Variants in PPIP5K2 observed in about 807,000 individuals in gnomAD.
PPIP5K2 encodes diphosphoinositol pentakisphosphate kinase 2, also known as inositol hexakisphosphate and diphosphoinositol-pentakisphosphate kinase 2.
Under a neutral mutation model 154.6 loss-of-function variants are expected in PPIP5K2, and 105 were observed. The observed-to-expected ratio is 0.68, with a 90% CI of 0.58 to 0.80. The LOEUF is 0.80. PPIP5K2 is among the 30% of genes least tolerant of loss of function. The probability of loss-of-function intolerance (pLI) is 0.00; values close to 1 mark genes in which losing one functional copy is unlikely to be tolerated. For synonymous variants in PPIP5K2, 480 were observed against 490.3 expected (o/e 0.98, Z 0.28); for missense variants, 992 against 1,504.6 (o/e 0.66, Z 5.64).
chr5:103,143,665 A>C (rs1289242212), intron 5 of PPIP5K2, among the ~76,000 whole-genome samples: 1 of 152,208 alleles, frequency 6.6e-6, no homozygotes, highest in African/African-American at 2.4e-5. Context: ...AAAAAATAAG[A>C]TCCAACTCTA....
intron 21 of PPIP5K2, 42 bp downstream of exon 21, chr5:103,174,014 TTTTG>T: frequency 2.9e-6 from 4 of 1,390,526 alleles, no homozygotes; most frequent in South Asian, 1.3e-5. Flanking sequence ...ATATATTTAA[TTTTG>T]TAATTAAATC....
At chr5:103,187,755 C>T (rs1800622737) in intron 28 of PPIP5K2, among the ~76,000 whole-genome samples, 1 of 152,050 alleles carries the variant, frequency 6.6e-6, no homozygotes, top group Non-Finnish European at 1.5e-5. Flanking sequence ...TTTCTGATCA[C>T]ATGGTTGTTT....
chr5:103,135,490 G>C (rs1791321576), intron 3 of PPIP5K2, among the ~76,000 whole-genome samples: 1 of 152,114 alleles, frequency 6.6e-6, no homozygotes, highest in South Asian at 2.1e-4. Flanking sequence ...GGAGTGCAGT[G>C]GTATAGTCAT....
intron 2 of PPIP5K2, among the ~76,000 whole-genome samples, chr5:103,133,217 ATATT>A (rs551482455): frequency 5.7e-4 from 87 of 152,326 alleles, no homozygotes; most frequent in African/African-American, 2.0e-3. Context: ...AATAGCAACC[ATATT>A]TATTCTGAAA....
In PPIP5K2 at chr5:103,204,659, G is replaced by T. The variant is rs1434284072; in HGVS notation, c.*3025G>T. On this transcript the variant is annotated 3_prime_UTR_variant, in exon 31 of 31. Transcript: ENST00000358359. ...TCAGAAGGAGTCATTTGTGATTGGA[G>T]TCCACATAGAAACAGGTTTCCCTCT... 17 of 152,120 alleles carry T rather than the reference G, an allele frequency of 1.1e-4. No individual in the cohort carries two copies. Among genetic ancestry groups the T allele is most frequent in the Admixed American group, 1.1e-3 (17 of 15,262 alleles). 9.4% of individuals were successfully genotyped at this position (152,120 alleles called of 1,614,324 possible).
At chr5:103,149,519 C>G (rs945055007) in intron 8 of PPIP5K2, among the ~76,000 whole-genome samples, 4 of 151,904 alleles carry the variant, frequency 2.6e-5, no homozygotes, top group Non-Finnish European at 5.9e-5. Context: ...TCAATTTATT[C>G]AGAAATTAAA....
chr5:103,144,431 A>G (rs531518875), intron 5 of PPIP5K2, among the ~76,000 whole-genome samples: 2 of 152,280 alleles, frequency 1.3e-5, no homozygotes, highest in African/African-American at 4.8e-5. Context: ...AAAAATACTA[A>G]AATTTATATG....
At chr5:103,157,972 A>C (rs782486001) in intron 14 of PPIP5K2, among the ~76,000 whole-genome samples, 3 of 152,200 alleles carry the variant, frequency 2.0e-5, no homozygotes, top group Non-Finnish European at 4.4e-5. Flanking sequence ...AAATTTCAGT[A>C]AGATTTAAAC....
At chr5:103,139,411 A>G (rs1339060964) in intron 5 of PPIP5K2, among the ~76,000 whole-genome samples, 1 of 152,334 alleles carries the variant, frequency 6.6e-6, no homozygotes, top group South Asian at 2.1e-4. Context: ...TAGTCCACCA[A>G]GGTGGTGCCT....
intron 26 of PPIP5K2, 93 bp from the exon 27 acceptor site, chr5:103,186,227 G>A: frequency 6.5e-7 from 1 of 1,526,840 alleles, no homozygotes. Context: ...TGCCTTATAT[G>A]TGGTAAGAGC....
intron 1 of PPIP5K2, among the ~76,000 whole-genome samples, chr5:103,126,376 A>G (rs917429294): frequency 6.6e-6 from 1 of 151,714 alleles, no homozygotes. Flanking sequence ...TACCCTTGGG[A>G]AAAAAAAATC....
chr5:103,187,168 CA>C (rs1182869675), intron 27 of PPIP5K2, 145 bp from the exon 28 acceptor site: 6 of 500,262 alleles, frequency 1.2e-5, no homozygotes, highest in Non-Finnish European at 1.7e-5. Context: ...TTCTTTTAAC[CA>C]ATATTTACCT....
chr5:103,178,057 A>C (rs1425155717), intron 23 of PPIP5K2, 77 bp downstream of exon 23: 2 of 898,016 alleles, frequency 2.2e-6, no homozygotes, highest in Non-Finnish European at 3.6e-6. Context: ...AGATTTTTAT[A>C]ATGTACTATA....
Position 103,212,493 on chromosome 5 carries a change from A to C in PPIP5K2, c.*10859A>C, listed in dbSNP as rs952814873. The C allele has an allele frequency of 6.6e-6, 1 of 152,152 alleles. No homozygotes were observed. Among genetic ancestry groups the C allele is most frequent in the African/African-American group, 2.4e-5 (1 of 41,444 alleles). The allele number at this position is 152,152 out of a possible 1,614,324, so 9.4% of individuals were successfully genotyped here. The stretch of plus-strand genomic sequence containing the variant: ...TTTTTAAAAGCAAAGTTAGGCATTC[A>C]ATGATGACTTCATAAATGTGCCTGG... On this transcript the variant is annotated 3_prime_UTR_variant, in exon 31 of 31. Coordinates refer to ENST00000358359, the MANE Select transcript of PPIP5K2 (RefSeq NM_001276277.3).
At position 103,173,452 on chromosome 5, in the gene PPIP5K2, C is replaced by T. The variant is rs147154663; in HGVS notation, c.2414+170C>T. ...GTTCCAACCAAAGTTATTTTTGGCT[C>T]CACTTTAGAGAAAACTAAGGTGAGT... is the stretch of plus-strand genomic sequence containing the variant. On this transcript the variant is annotated intron_variant, in intron 20 of 30. Transcript: ENST00000358359. Among the ~76,000 whole-genome samples, 482 of 151,994 alleles carry T rather than the reference C, an allele frequency of 3.2e-3. 5 individuals are homozygous for T. The highest frequency in any genetic ancestry group is 0.011 in the African/African-American group (452 of 41,502).
intron 24 of PPIP5K2, 83 bp from the exon 25 acceptor site, chr5:103,183,151 G>T (rs1388426005): frequency 9.5e-7 from 1 of 1,055,618 alleles, no homozygotes; most frequent in South Asian, 3.3e-5. Context: ...ATTTGGCTCT[G>T]TTGTATCTAA....
At chr5:103,156,163 A>C (rs1795380935) in intron 14 of PPIP5K2, among the ~76,000 whole-genome samples, 169 bp downstream of exon 14, 1 of 152,216 alleles carries the variant, frequency 6.6e-6, no homozygotes, top group Non-Finnish European at 1.5e-5. Flanking sequence ...TAAAGGATAC[A>C]ATTTTAAAAT....
rs575928878 is a variant in PPIP5K2 at position 103,159,055 on chromosome 5, AACTTAT to A, written c.1738-86_1738-81del. 8.3e-4 allele frequency: 739 copies of A among 893,986 alleles called. 7 individuals carry two copies. The African/African-American group carries it at 0.011, about 14-fold the overall frequency. The allele number at this position is 893,986 out of a possible 1,614,324, so 55.4% of individuals were successfully genotyped here. A position where few individuals can be genotyped will look rare whatever the true frequency, so the allele number is the denominator to read the frequency against. On this transcript the variant is annotated intron_variant, in intron 16 of 30. Coordinates refer to ENST00000358359, the MANE Select transcript of PPIP5K2 (RefSeq NM_001276277.3). ...AATAAAGTTTATTTATGATAAACTTAACTTATACTTTATGAAAATCAGTATGTAACA... is the reference window on the plus strand; with the variant it reads ...AATAAAGTTTATTTATGATAAACTTAACTTTATGAAAATCAGTATGTAACA...
At chr5:103,164,486 G>A (rs1554217109) in intron 17 of PPIP5K2, among the ~76,000 whole-genome samples, 1 of 151,944 alleles carries the variant, frequency 6.6e-6, no homozygotes, top group East Asian at 1.9e-4. Flanking sequence ...TTTACAAAAT[G>A]TGCACCCTAG....
Sources: allele counts gnomAD v4.1 joint callset (sites outside exome capture counted in the v4.1 genomes callset), GRCh38; gene constraint gnomAD v4.1.1; transcripts MANE v1.5; gene names NCBI Gene and HGNC (gene_info 2026-07-23, HGNC 2026-07-21).